RAI1: variants seen among roughly 807,000 people sequenced by gnomAD.
RAI1 encodes retinoic acid induced 1, also known as retinoic acid-induced protein 1.
In RAI1, 9 loss-of-function variants were observed where a neutral mutation model predicts 123.8. That is an observed-to-expected ratio of 0.07 (90% confidence interval 0.04 to 0.13). The LOEUF is 0.13. Among genes scored for constraint, RAI1 ranks in the 10% least tolerant of loss-of-function variants. The pLI, the probability that RAI1 is intolerant of heterozygous loss-of-function variation, is 1.00. For missense variants in RAI1, 2,256 were observed against 2,545.8 expected, an observed-to-expected ratio of 0.89 and a Z score of 2.45; for synonymous variants, 1,231 against 1,127.3, an observed-to-expected ratio of 1.09 and a Z score of -1.84.
At chr17:17,804,215 G>T (rs548058166) in intron 4 of RAI1, 1 of 345,504 alleles carries the variant, frequency 2.9e-6, no homozygotes, top group South Asian at 2.5e-5. Context: ...ATAAATAGGA[G>T]TTCACTCAGC....
intron 1 of RAI1, among the ~76,000 whole-genome samples, chr17:17,706,719 C>T (rs1915406680): frequency 6.6e-6 from 1 of 152,146 alleles, no homozygotes; most frequent in Non-Finnish European, 1.5e-5. Context: ...ACCCCTCCTG[C>T]CCATAGACAA....
At chr17:17,808,106 G>A (rs1296357483) in intron 4 of RAI1, among the ~76,000 whole-genome samples, 1 of 152,208 alleles carries the variant, frequency 6.6e-6, no homozygotes, top group Non-Finnish European at 1.5e-5. Flanking sequence ...TTGGGTCTGG[G>A]GTTTGTTCAG....
chr17:17,694,856 C>T (rs1208079251), intron 1 of RAI1, among the ~76,000 whole-genome samples: 2 of 151,744 alleles, frequency 1.3e-5, no homozygotes, highest in African/African-American at 2.4e-5. Flanking sequence ...GGCCCCGCCC[C>T]CTGGCGGATC....
chr17:17,752,404 T>C (rs1015969436), intron 2 of RAI1, among the ~76,000 whole-genome samples: 1 of 151,630 alleles, frequency 6.6e-6, no homozygotes, highest in African/African-American at 2.4e-5. Flanking sequence ...AGGCTGGTCT[T>C]GTACTGGCGC....
At chr17:17,790,739 G>A (rs1026141513) in intron 2 of RAI1, among the ~76,000 whole-genome samples, 13 of 152,230 alleles carry the variant, frequency 8.5e-5, no homozygotes, top group South Asian at 2.1e-4. Flanking sequence ...TATACGAGGC[G>A]CAGCCTTCAG....
At chr17:17,789,115 T>C (rs2031927050) in intron 2 of RAI1, among the ~76,000 whole-genome samples, 1 of 152,230 alleles carries the variant, frequency 6.6e-6, no homozygotes, top group South Asian at 2.1e-4. Context: ...TTGGCTTGCA[T>C]CCTGCTCCAA....
Position 17,793,089 on chromosome 17 carries a change from C to T in RAI1, c.141C>T (p.Ala47=). The T allele has an allele frequency of 6.2e-7, 1 of 1,614,146 alleles. No homozygotes were observed. Residue 47 remains alanine (A), a synonymous_variant, in exon 3 of 6, where the codon GCC becomes GCT. Transcript: ENST00000353383. Reference sequence around the variant, plus strand: ...GCTGCGACCGGCAGCGGCTGCTCGCCAAGGACTATTATAACCCGCAGCCTT... The same window carrying T: ...GCTGCGACCGGCAGCGGCTGCTCGCTAAGGACTATTATAACCCGCAGCCTT... ...GLSCDRQRLL[A]KDYYNPQPYP... is the part of the protein sequence containing the mutation.
intron 1 of RAI1, 23 bp downstream of exon 1, chr17:17,681,816 C>T: frequency 6.7e-6 from 2 of 297,532 alleles, no homozygotes; most frequent in East Asian, 5.0e-5. Flanking sequence ...CGCCGGGGCG[C>T]GGGGGGCGCA....
At position 17,793,680 on chromosome 17, in the gene RAI1, C is replaced by T. The variant is rs1247685392; in HGVS notation, c.732C>T (p.Ala244=). ...HSYKSCTAPT[A]QPHDRPLTAS... is the part of the protein sequence containing the mutation. ...ATAAGAGTTGCACAGCACCGACTGC[C>T]CAGCCCCATGACAGGCCGCTGACTG... Residue 244 remains alanine, a synonymous_variant, in exon 3 of 6, where the codon GCC becomes GCT. Coordinates refer to ENST00000353383, the MANE Select transcript of RAI1 (RefSeq NM_030665.4). 6.2e-7 allele frequency: 1 copy of T among 1,613,148 alleles called. No individual in the cohort carries two copies. The highest frequency in any genetic ancestry group is 1.1e-5 in the South Asian group (1 of 91,090).
intron 1 of RAI1, among the ~76,000 whole-genome samples, chr17:17,691,275 C>T (rs1251954870): frequency 6.6e-6 from 1 of 152,022 alleles, no homozygotes; most frequent in African/African-American, 2.4e-5. Context: ...AAACATCCTA[C>T]CGCACAAGGC....
chr17:17,783,191 G>A (rs1710089337), intron 2 of RAI1, among the ~76,000 whole-genome samples: 1 of 152,074 alleles, frequency 6.6e-6, no homozygotes. Flanking sequence ...CAGCGACCGG[G>A]GACCGGGGGA....
chr17:17,757,288 G>A (rs1451075153), intron 2 of RAI1, among the ~76,000 whole-genome samples: 1 of 152,236 alleles, frequency 6.6e-6, no homozygotes, highest in East Asian at 1.9e-4. Flanking sequence ...GATTTCCTGA[G>A]CCTGGACTGA....
intron 4 of RAI1, among the ~76,000 whole-genome samples, chr17:17,808,378 T>TTTA (rs2032636028): frequency 7.0e-6 from 1 of 142,658 alleles, no homozygotes; most frequent in African/African-American, 2.7e-5. Flanking sequence ...TATTTTATAT[T>TTTA]TTATTTTATT....
At position 17,793,779 on chromosome 17, in the gene RAI1, C is replaced by CCAG. The variant is rs371983878; in HGVS notation, c.870_872dup (p.Gln291dup). 28,770 of 1,356,272 alleles carry CCAG rather than the reference C, an allele frequency of 0.021. 42 individuals carry two copies. The highest frequency in any genetic ancestry group is 0.042 in the South Asian group (2,389 of 56,474). 84.0% of individuals were successfully genotyped at this position (1,356,272 alleles called of 1,614,324 possible). ...ACCAGTCGGGCCGCCTCAGCTATGACCAGCAGCAGCAGCAGCAGCAGCAGC... is the reference window on the plus strand; with the variant it reads ...ACCAGTCGGGCCGCCTCAGCTATGACCAGCAGCAGCAGCAGCAGCAGCAGCAGC... On this transcript the variant is annotated inframe_insertion, in exon 3 of 6. Coordinates refer to ENST00000353383, the MANE Select transcript of RAI1 (RefSeq NM_030665.4).
chr17:17,773,257 C>T (rs1473524308), intron 2 of RAI1, among the ~76,000 whole-genome samples: 3 of 152,180 alleles, frequency 2.0e-5, no homozygotes, highest in Admixed American at 6.5e-5. Flanking sequence ...GTCAGCTCAG[C>T]TCCTGTGCCC....
chr17:17,758,487 A>T (rs1416625240), intron 2 of RAI1, among the ~76,000 whole-genome samples: 2 of 152,174 alleles, frequency 1.3e-5, no homozygotes, highest in African/African-American at 4.8e-5. Flanking sequence ...TGGTTAGAGG[A>T]AGCTTGTGAG....
At chr17:17,710,107 C>T (rs147738118) in intron 1 of RAI1, among the ~76,000 whole-genome samples, 79 of 152,364 alleles carry the variant, frequency 5.2e-4, no homozygotes, top group African/African-American at 1.8e-3. Flanking sequence ...CTGAAGACCT[C>T]GAGCACACAC....
In RAI1 at chr17:17,810,756, CCAGCCTGGGAGCG is replaced by C. The variant is rs1567943588; in HGVS notation, c.*778_*790del. 2.2e-6 allele frequency: 1 copy of C among 450,580 alleles called. No homozygotes were observed. The allele number at this position is 450,580 out of a possible 1,614,324, so 27.9% of individuals were successfully genotyped here. A position where few individuals can be genotyped will look rare whatever the true frequency, so the allele number is the denominator to read the frequency against. ...CAGTCCTCCACCCCACCCCTGGAGCCCAGCCTGGGAGCGCAAAACCCAAGAAGCGGCCAGAACG... is the reference window on the plus strand; with the variant it reads ...CAGTCCTCCACCCCACCCCTGGAGCCCAAAACCCAAGAAGCGGCCAGAACG... On this transcript the variant is annotated 3_prime_UTR_variant, in exon 6 of 6. Coordinates refer to ENST00000353383, the MANE Select transcript of RAI1 (RefSeq NM_030665.4). The surrounding 1 kb of genome is among the most constrained non-coding windows in gnomAD (Gnocchi z 4.6).
chr17:17,708,513 A>G (rs1181816025), intron 1 of RAI1, among the ~76,000 whole-genome samples: 2 of 152,100 alleles, frequency 1.3e-5, no homozygotes, highest in Non-Finnish European at 1.5e-5. Flanking sequence ...GGCTCAAGCA[A>G]TCCTCCTACC....
Sources: gnomAD v4.1 joint callset for allele counts (sites outside exome capture counted in the v4.1 genomes callset) on GRCh38, gnomAD v4.1.1 for gene constraint, Gnocchi (gnomAD v3.1) non-coding constraint, MANE v1.5 for transcripts, NCBI Gene and HGNC (gene_info 2026-07-23, HGNC 2026-07-21) for gene names.